The following RYR2 variants were observed in gnomAD, a reference collection of about 807,000 sequenced individuals.
RYR2 encodes the protein ryanodine receptor 2.
In RYR2, 227 loss-of-function variants were observed where a neutral mutation model predicts 601.1. The ratio of observed to expected loss-of-function variants is 0.38; its 90% confidence interval spans 0.34 to 0.42. RYR2 has a LOEUF of 0.42. Ranked by LOEUF, RYR2 falls within the 10% of genes least tolerant of loss-of-function variation. The probability of loss-of-function intolerance (pLI) is 1.00; values close to 1 mark genes in which losing one functional copy is unlikely to be tolerated. For missense variants in RYR2, 4,646 were observed against 6,156.5 expected, an observed-to-expected ratio of 0.75 and a Z score of 8.21; for synonymous variants, 2,223 against 2,175.1, an observed-to-expected ratio of 1.02 and a Z score of -0.61.
At chr1:237,408,566 G>A (rs1704137962) in intron 10 of RYR2, among the ~76,000 whole-genome samples, 2 of 151,954 alleles carry the variant, frequency 1.3e-5, no homozygotes, top group Non-Finnish European at 2.9e-5. Context: ...ATACCACACT[G>A]TGTTGAATAC....
intron 1 of RYR2, among the ~76,000 whole-genome samples, chr1:237,060,657 G>A (rs1364148974): frequency 6.6e-6 from 1 of 152,130 alleles, no homozygotes; most frequent in African/African-American, 2.4e-5. Context: ...TGTGCAAATG[G>A]AATGACAATG....
intron 7 of RYR2, among the ~76,000 whole-genome samples, 176 bp from the exon 8 acceptor site, chr1:237,377,147 G>A (rs188193182): frequency 2.0e-5 from 3 of 152,298 alleles, no homozygotes; most frequent in Admixed American, 2.0e-4. Context: ...GTTTCTAGGA[G>A]AAGAATCTTA....
intron 2 of RYR2, among the ~76,000 whole-genome samples, chr1:237,306,545 T>C (rs748183618): frequency 6.6e-6 from 1 of 152,218 alleles, no homozygotes; most frequent in Non-Finnish European, 1.5e-5. Flanking sequence ...CAGTCAACAT[T>C]GTTCTCTAGG....
At chr1:237,431,094 A>C (rs1191893538) in intron 12 of RYR2, among the ~76,000 whole-genome samples, 1 of 152,230 alleles carries the variant, frequency 6.6e-6, no homozygotes, top group Non-Finnish European at 1.5e-5. Flanking sequence ...TAACGCTTCC[A>C]TGCTTCCAGC....
At chr1:237,235,367 G>T (rs1685454258) in intron 1 of RYR2, among the ~76,000 whole-genome samples, 1 of 152,196 alleles carries the variant, frequency 6.6e-6, no homozygotes, top group South Asian at 2.1e-4. Flanking sequence ...TGGAGCTAGT[G>T]TTCAGCTGAT....
chr1:237,267,284 C>T (rs1423608168), intron 1 of RYR2, among the ~76,000 whole-genome samples: 1 of 152,158 alleles, frequency 6.6e-6, no homozygotes, highest in Non-Finnish European at 1.5e-5. Context: ...TTTGGGAGGC[C>T]GAGGTGGGTG....
At chr1:237,714,007 A>T (rs1402821004) in intron 71 of RYR2, among the ~76,000 whole-genome samples, 1 of 152,026 alleles carries the variant, frequency 6.6e-6, no homozygotes, top group Non-Finnish European at 1.5e-5. Context: ...GTTCCCACAG[A>T]AAGGTCATGT....
intron 71 of RYR2, among the ~76,000 whole-genome samples, chr1:237,715,836 G>A (rs1362643194): frequency 1.3e-5 from 2 of 152,064 alleles, no homozygotes. Context: ...TTAGGATAGT[G>A]GTTCTTCCTT....
At chr1:237,047,351 G>T (rs1234874231) in intron 1 of RYR2, among the ~76,000 whole-genome samples, 1 of 149,072 alleles carries the variant, frequency 6.7e-6, no homozygotes. Context: ...CCTGAATCTT[G>T]GTCCTGGAAG....
intron 83 of RYR2, among the ~76,000 whole-genome samples, chr1:237,760,117 G>T (rs1340356666): frequency 1.3e-5 from 2 of 151,424 alleles, no homozygotes; most frequent in African/African-American, 4.9e-5. Flanking sequence ...GGAAGAGATA[G>T]GAGGATCCCT....
At chr1:237,085,878 C>G (rs903193306) in intron 1 of RYR2, among the ~76,000 whole-genome samples, 2 of 152,188 alleles carry the variant, frequency 1.3e-5, no homozygotes, top group African/African-American at 4.8e-5. Flanking sequence ...TTCAGCCTCC[C>G]AAGAAGCTGG....
At chr1:237,372,381 A>C (rs1052280850) in intron 6 of RYR2, among the ~76,000 whole-genome samples, 18 of 152,362 alleles carry the variant, frequency 1.2e-4, no homozygotes, top group African/African-American at 4.3e-4. Context: ...AAAGATTATC[A>C]GTGTCAGATC....
Position 237,445,590 on chromosome 1 carries a change from A to G in RYR2, c.1292+68A>G, listed in dbSNP as rs1013900636. 1.5e-5 allele frequency: 23 copies of G among 1,580,254 alleles called. No individual in the cohort carries two copies. In the African/African-American group the frequency reaches 2.8e-4, roughly 20 times the overall value. On this transcript the variant is annotated intron_variant, in intron 14 of 104. Coordinates refer to ENST00000366574, the MANE Select transcript of RYR2 (RefSeq NM_001035.3). ...TCATTTCTTTATTGGATATGCAAATAGACAATTTAAAAGTATGCTATGATG... is the reference window on the plus strand; with the variant it reads ...TCATTTCTTTATTGGATATGCAAATGGACAATTTAAAAGTATGCTATGATG...
intron 1 of RYR2, among the ~76,000 whole-genome samples, chr1:237,244,490 A>G (rs1468301161): frequency 6.6e-6 from 1 of 152,052 alleles, no homozygotes; most frequent in Non-Finnish European, 1.5e-5. Flanking sequence ...TGGAAAGTCT[A>G]TTTGCATAAT....
intron 15 of RYR2, among the ~76,000 whole-genome samples, chr1:237,455,028 C>T (rs778472378): frequency 1.1e-4 from 17 of 152,088 alleles, no homozygotes; most frequent in East Asian, 5.8e-4. Context: ...AGAGGGCTAC[C>T]GGAGTAGGCT....
At chr1:237,071,213 C>T (rs924281390) in intron 1 of RYR2, among the ~76,000 whole-genome samples, 10 of 151,942 alleles carry the variant, frequency 6.6e-5, no homozygotes, top group Middle Eastern at 3.4e-3. Flanking sequence ...CAGCTGAGTC[C>T]AGGGTTTTGA....
At chr1:237,531,156 A>T (rs1668101893) in intron 25 of RYR2, among the ~76,000 whole-genome samples, 1 of 152,166 alleles carries the variant, frequency 6.6e-6, no homozygotes, top group Non-Finnish European at 1.5e-5. Flanking sequence ...AATCTTTATA[A>T]TTTTATTTAC....
chr1:237,409,577 G>C (rs569452757), intron 10 of RYR2, among the ~76,000 whole-genome samples: 83 of 152,126 alleles, frequency 5.5e-4, no homozygotes, highest in African/African-American at 2.0e-3. Context: ...GTGATTTCTA[G>C]AAATACCTGT....
At chr1:237,522,253 G>C (rs1160929852) in intron 24 of RYR2, among the ~76,000 whole-genome samples, 3 of 152,106 alleles carry the variant, frequency 2.0e-5, no homozygotes, top group Admixed American at 2.0e-4. Flanking sequence ...ATTGTCTTGG[G>C]CCACACATAA....
Sources: gnomAD v4.1 joint callset for allele counts (sites outside exome capture counted in the v4.1 genomes callset) on GRCh38, gnomAD v4.1.1 for gene constraint, MANE v1.5 for transcripts, NCBI Gene and HGNC (gene_info 2026-07-23, HGNC 2026-07-21) for gene names.